Variants in CHST11 observed in about 807,000 individuals in gnomAD.
CHST11 encodes C4S-1.
CHST11 carries 9 observed loss-of-function variants against 30.4 expected under a neutral mutation model. That is an observed-to-expected ratio of 0.30 (90% CI 0.18 to 0.52). The LOEUF is 0.52. CHST11 is among the 20% of genes least tolerant of loss of function. CHST11 has a pLI of 0.97. For missense variants in CHST11, 348 were observed against 460.6 expected (o/e 0.76, Z 2.24); for synonymous variants, 152 against 187.8 (o/e 0.81, Z 1.56).
At chr12:104,494,337 C>T (rs2037779070) in intron 1 of CHST11, among the ~76,000 whole-genome samples, 1 of 152,176 alleles carries the variant, frequency 6.6e-6, no homozygotes, top group Non-Finnish European at 1.5e-5. Context: ...TGTCTATAGC[C>T]CGTCACTGCC....
chr12:104,704,570 G>A (rs1168138036), intron 2 of CHST11, among the ~76,000 whole-genome samples: 1 of 152,160 alleles, frequency 6.6e-6, no homozygotes, highest in Non-Finnish European at 1.5e-5. Context: ...TCAGCTGGAG[G>A]CTTTAGCCAG....
chr12:104,650,101 T>A (rs1697552221), intron 2 of CHST11, among the ~76,000 whole-genome samples: 1 of 152,214 alleles, frequency 6.6e-6, no homozygotes, highest in Non-Finnish European at 1.5e-5. Context: ...AGAATGACAT[T>A]ACTTTACACT....
At chr12:104,578,139 C>A (rs2038703489) in intron 1 of CHST11, among the ~76,000 whole-genome samples, 1 of 152,050 alleles carries the variant, frequency 6.6e-6, no homozygotes, top group South Asian at 2.1e-4. Context: ...ACTAAATCCC[C>A]CCTTATTTAT....
At chr12:104,490,387 T>C (rs2037733392) in intron 1 of CHST11, among the ~76,000 whole-genome samples, 1 of 152,172 alleles carries the variant, frequency 6.6e-6, no homozygotes, top group African/African-American at 2.4e-5. Context: ...GTGTTTCCTG[T>C]TTAAGGTTCT....
intron 1 of CHST11, among the ~76,000 whole-genome samples, chr12:104,537,454 T>C (rs772298742): frequency 7.9e-5 from 12 of 152,212 alleles, no homozygotes; most frequent in Non-Finnish European, 1.8e-4. Context: ...GGTTGGAATC[T>C]TGGCCCTGCT....
intron 2 of CHST11, among the ~76,000 whole-genome samples, chr12:104,654,156 G>C (rs910828771): frequency 6.6e-6 from 1 of 152,138 alleles, no homozygotes; most frequent in Non-Finnish European, 1.5e-5. Flanking sequence ...CCTTCAGTAA[G>C]GGGAGCTTTT....
intron 1 of CHST11, among the ~76,000 whole-genome samples, chr12:104,470,445 G>C (rs1029755688): frequency 3.3e-5 from 5 of 152,074 alleles, no homozygotes; most frequent in African/African-American, 9.7e-5. Flanking sequence ...CAGCATGGGG[G>C]AAACCACCCC....
intron 2 of CHST11, among the ~76,000 whole-genome samples, chr12:104,616,701 T>C (rs2039111219): frequency 1.3e-5 from 2 of 152,278 alleles, no homozygotes; most frequent in South Asian, 4.1e-4. Flanking sequence ...CCTGACCTCA[T>C]GATCCACCTG....
chr12:104,528,871 G>C (rs1413906189), intron 1 of CHST11, among the ~76,000 whole-genome samples: 1 of 152,176 alleles, frequency 6.6e-6, no homozygotes, highest in Non-Finnish European at 1.5e-5. Context: ...TTCTTTCTGA[G>C]TTGTGCCATA....
At chr12:104,617,808 C>T (rs185444237) in intron 2 of CHST11, among the ~76,000 whole-genome samples, 2 of 152,244 alleles carry the variant, frequency 1.3e-5, no homozygotes, top group African/African-American at 4.8e-5. Flanking sequence ...ATACCTAGCT[C>T]TTTGGATTAT....
At chr12:104,489,753 GCGCC>G (rs1318994841) in intron 1 of CHST11, among the ~76,000 whole-genome samples, 7 of 152,296 alleles carry the variant, frequency 4.6e-5, no homozygotes, top group African/African-American at 1.7e-4. Context: ...ATGAGCCACT[GCGCC>G]CGGCCAGAAT....
chr12:104,474,947 T>C (rs1157563200), intron 1 of CHST11, among the ~76,000 whole-genome samples: 1 of 152,216 alleles, frequency 6.6e-6, no homozygotes, highest in Non-Finnish European at 1.5e-5. Flanking sequence ...TCCTTGCTTA[T>C]CTGTTTCATA....
At chr12:104,620,403 A>C (rs1450381325) in intron 2 of CHST11, among the ~76,000 whole-genome samples, 1 of 152,210 alleles carries the variant, frequency 6.6e-6, no homozygotes, top group Admixed American at 6.5e-5. Flanking sequence ...GTCATGGGGG[A>C]AAGGGATTGA....
chr12:104,501,699 A>G (rs967838788), intron 1 of CHST11, among the ~76,000 whole-genome samples: 1 of 152,220 alleles, frequency 6.6e-6, no homozygotes, highest in Non-Finnish European at 1.5e-5. Context: ...GGAGAAAATG[A>G]ACTCATGAGT....
chr12:104,662,633 G>A (rs2039607755), intron 2 of CHST11, among the ~76,000 whole-genome samples: 1 of 152,016 alleles, frequency 6.6e-6, no homozygotes. Flanking sequence ...TTTTACAACT[G>A]ATGTGTAATT....
intron 1 of CHST11, among the ~76,000 whole-genome samples, chr12:104,545,199 C>T (rs911430550): frequency 6.6e-6 from 1 of 152,172 alleles, no homozygotes; most frequent in African/African-American, 2.4e-5. Context: ...TTCTTAAATT[C>T]TCTGTCATGT....
chr12:104,707,265 T>C (rs1389496296), intron 2 of CHST11, among the ~76,000 whole-genome samples: 2 of 152,228 alleles, frequency 1.3e-5, no homozygotes, highest in Non-Finnish European at 2.9e-5. Flanking sequence ...GCTAAATGGG[T>C]GGGTGAAACC....
At chr12:104,706,332 C>G (rs941780643) in intron 2 of CHST11, among the ~76,000 whole-genome samples, 1 of 147,916 alleles carries the variant, frequency 6.8e-6, no homozygotes. Flanking sequence ...TGCAGTGAGC[C>G]GAGATTGCAC....
In CHST11 at chr12:104,747,643, A is replaced by T. The variant is rs147305113; in HGVS notation, c.205-9306A>T. ...CAGAAAGATGATGGCAGCACAACTG[A>T]CATGCTGAGAGGGGTTTTGCATTCA... On this transcript the variant is annotated intron_variant, in intron 2 of 2. Coordinates refer to ENST00000303694, the MANE Select transcript of CHST11 (RefSeq NM_018413.6). 3.0e-3 allele frequency among the ~76,000 whole-genome samples: 460 copies of T among 152,312 alleles called. 2 individuals carry two copies. Among genetic ancestry groups the T allele is most frequent in the African/African-American group, 0.01 (430 of 41,550 alleles).
Sources: gnomAD v4.1 joint callset for allele counts (sites outside exome capture counted in the v4.1 genomes callset) on GRCh38, gnomAD v4.1.1 for gene constraint, MANE v1.5 for transcripts, NCBI Gene and HGNC (gene_info 2026-07-23, HGNC 2026-07-21) for gene names.